The following NEGR1 variants were observed in gnomAD, a reference collection of about 807,000 sequenced individuals.
NEGR1 encodes the protein neuronal growth regulator 1, also known as IgLON family member 4.
Under a neutral mutation model 40.9 loss-of-function variants are expected in NEGR1, and 10 were observed. The observed-to-expected ratio is 0.24, with a 90% CI of 0.15 to 0.42. NEGR1 has a LOEUF of 0.42. Ranked by LOEUF, NEGR1 falls within the 10% of genes least tolerant of loss-of-function variation. The probability of loss-of-function intolerance (pLI) is 1.00; values close to 1 mark genes in which losing one functional copy is unlikely to be tolerated. For missense variants in NEGR1, 352 were observed against 438.9 expected (o/e 0.80, Z 1.77); for synonymous variants, 185 against 166.8 (o/e 1.11, Z -0.84).
intron 1 of NEGR1, among the ~76,000 whole-genome samples, chr1:72,227,768 G>C (rs1193659517): frequency 6.6e-6 from 1 of 152,088 alleles, no homozygotes; most frequent in African/African-American, 2.4e-5. Flanking sequence ...AAAAAAGCAT[G>C]ATTGGCAATT....
chr1:72,074,038 C>T (rs944699727), intron 1 of NEGR1, among the ~76,000 whole-genome samples: 3 of 151,946 alleles, frequency 2.0e-5, no homozygotes, highest in African/African-American at 7.2e-5. Context: ...CTATGATACG[C>T]TATTTCATAT....
intron 3 of NEGR1, among the ~76,000 whole-genome samples, chr1:71,759,649 G>A (rs112321421): frequency 0.027 from 3,079 of 112,292 alleles, 140 homozygotes; most frequent in African/African-American, 0.098. Flanking sequence ...CCACTCTGTC[G>A]CCCAGGCTGG....
At chr1:71,876,989 T>C (rs189728422) in intron 2 of NEGR1, among the ~76,000 whole-genome samples, 5 of 147,802 alleles carry the variant, frequency 3.4e-5, no homozygotes, top group African/African-American at 1.3e-4. Context: ...TTTGCAGTAG[T>C]TAAAAAAAAA....
intron 6 of NEGR1, among the ~76,000 whole-genome samples, chr1:71,440,368 T>C (rs1646539170): frequency 1.3e-5 from 2 of 152,182 alleles, no homozygotes; most frequent in African/African-American, 4.8e-5. Flanking sequence ...AATAGAGCAA[T>C]AAAGTAATTG....
chr1:71,901,817 T>G (rs527487415), intron 2 of NEGR1, among the ~76,000 whole-genome samples: 116 of 151,988 alleles, frequency 7.6e-4, no homozygotes, highest in Middle Eastern at 3.4e-3. Flanking sequence ...ATTACAGGCA[T>G]GTGCCATCAT....
chr1:72,005,234 G>A (rs181316342), intron 1 of NEGR1, among the ~76,000 whole-genome samples: 2 of 152,164 alleles, frequency 1.3e-5, no homozygotes, highest in East Asian at 1.9e-4. Context: ...ACTAAGCGGG[G>A]ATAGGGTGGG....
At chr1:71,837,524 A>C (rs1659083186) in intron 2 of NEGR1, among the ~76,000 whole-genome samples, 1 of 152,026 alleles carries the variant, frequency 6.6e-6, no homozygotes, top group African/African-American at 2.4e-5. Context: ...TTTTTGTCTT[A>C]TCCAGAGCAT....
intron 2 of NEGR1, among the ~76,000 whole-genome samples, chr1:71,797,895 CAG>C (rs1657398843): frequency 1.3e-5 from 2 of 151,718 alleles, no homozygotes; most frequent in South Asian, 4.2e-4. Context: ...TTAGAAAAAA[CAG>C]AGTTTATATT....
At chr1:71,616,785 G>A (rs749503667) in intron 4 of NEGR1, among the ~76,000 whole-genome samples, 5 of 152,094 alleles carry the variant, frequency 3.3e-5, no homozygotes, top group Non-Finnish European at 7.4e-5. Flanking sequence ...GCCAAAATGA[G>A]TAAAAACCAA....
intron 2 of NEGR1, among the ~76,000 whole-genome samples, chr1:71,878,755 A>T (rs1445869106): frequency 6.6e-6 from 1 of 152,290 alleles, no homozygotes; most frequent in East Asian, 1.9e-4. Context: ...CCTATGTGTC[A>T]TCTTGGTCTT....
chr1:71,579,564 T>A (rs1203576593), intron 6 of NEGR1, among the ~76,000 whole-genome samples: 1 of 151,976 alleles, frequency 6.6e-6, no homozygotes, highest in Admixed American at 6.6e-5. Context: ...ACTACTTAAG[T>A]TTTTTAATAC....
chr1:71,434,682 A>G (rs1044369923), intron 6 of NEGR1, among the ~76,000 whole-genome samples: 2 of 152,228 alleles, frequency 1.3e-5, no homozygotes, highest in African/African-American at 4.8e-5. Flanking sequence ...TCATGACATT[A>G]TAAGAAAAAG....
rs1646275932 is a variant in NEGR1, at chr1:71,406,039, T to C, written c.*1407A>G. The C allele has an allele frequency of 6.6e-6, 1 of 152,002 alleles. No individual in the cohort carries two copies. The highest frequency in any genetic ancestry group is 2.4e-5 in the African/African-American group (1 of 41,128). The allele number at this position is 152,002 out of a possible 1,614,324, so 9.4% of individuals were successfully genotyped here. On this transcript the variant is annotated 3_prime_UTR_variant, in exon 7 of 7. Transcript: ENST00000357731. ...TTCACAATAATTTGATAATTACTTA[T>C]CTTAAGATATTCTCATCACTGGTGT...
intron 5 of NEGR1, 133 bp from the exon 6 acceptor site, chr1:71,593,101 G>A (rs1249150509): frequency 3.6e-6 from 2 of 550,136 alleles, no homozygotes; most frequent in African/African-American, 1.9e-5. Flanking sequence ...CGTGATAATG[G>A]TGCAATTTAC....
chr1:71,556,052 T>C (rs1350603656), intron 6 of NEGR1, among the ~76,000 whole-genome samples: 2 of 151,428 alleles, frequency 1.3e-5, no homozygotes. Context: ...TATGAACTTC[T>C]GAACTTGGTA....
intron 1 of NEGR1, among the ~76,000 whole-genome samples, chr1:72,102,552 G>A (rs1648986671): frequency 6.6e-6 from 1 of 152,008 alleles, no homozygotes; most frequent in African/African-American, 2.4e-5. Context: ...GCCTAGGTCG[G>A]TAATCATGCT....
In NEGR1 at chr1:72,254,440, C is replaced by T. The variant is rs532248616; in HGVS notation, c.176+27879G>A. 3.7e-4 allele frequency among the ~76,000 whole-genome samples: 57 copies of T among 152,162 alleles called. 1 individual carries two copies. The South Asian group carries it at 5.4e-3, about 14-fold the overall frequency. ...ATATTAGGCCAGGCGTGGTGGCTCACGCCTGTGATCCCAGCACTTTAGGAG... is the reference window on the plus strand; with the variant it reads ...ATATTAGGCCAGGCGTGGTGGCTCATGCCTGTGATCCCAGCACTTTAGGAG... On this transcript the variant is annotated intron_variant, in intron 1 of 6. Coordinates refer to ENST00000357731, the MANE Select transcript of NEGR1 (RefSeq NM_173808.3).
chr1:72,084,598 AC>A (rs982113131), intron 1 of NEGR1, among the ~76,000 whole-genome samples: 15 of 152,072 alleles, frequency 9.9e-5, no homozygotes, highest in African/African-American at 3.6e-4. Context: ...TCATGGCTGC[AC>A]CCCAGAGCCT....
chr1:72,012,928 T>C (rs1646672313), intron 1 of NEGR1, among the ~76,000 whole-genome samples: 1 of 150,294 alleles, frequency 6.7e-6, no homozygotes, highest in Non-Finnish European at 1.5e-5. Context: ...GAAAAAACTT[T>C]CCCTTTAGCT....
Sources: allele counts gnomAD v4.1 joint callset (sites outside exome capture counted in the v4.1 genomes callset), GRCh38; gene constraint gnomAD v4.1.1; transcripts MANE v1.5; gene names NCBI Gene and HGNC (gene_info 2026-07-23, HGNC 2026-07-21).